LPCAT3: variants seen among roughly 807,000 people sequenced by gnomAD.
LPCAT3 encodes the protein lysophosphatidylcholine acyltransferase 3.
A neutral mutation model predicts 63.4 loss-of-function variants in LPCAT3; 21 were observed. That is an observed-to-expected ratio of 0.33 (90% CI 0.23 to 0.48). The LOEUF is 0.48. LPCAT3 is among the 20% of genes least tolerant of loss of function. The pLI, the probability that LPCAT3 is intolerant of heterozygous loss-of-function variation, is 0.99. For missense variants in LPCAT3, 451 were observed against 590.6 expected, an observed-to-expected ratio of 0.76 and a Z score of 2.45; for synonymous variants, 242 against 227.5, an observed-to-expected ratio of 1.06 and a Z score of -0.58.
chr12:6,986,752 G>C (rs1383611141), intron 1 of LPCAT3, among the ~76,000 whole-genome samples: 2 of 138,050 alleles, frequency 1.4e-5, no homozygotes, highest in Non-Finnish European at 3.0e-5. Flanking sequence ...TGAGCAGAGA[G>C]AGCCACTGCA....
Position 6,978,498 on chromosome 12 carries a change from A to G in LPCAT3, c.883T>C (p.Cys295Arg). ...TTGAAGCCCAGGCCCGTCAAAATGCATACTCCTTCCTGAGAGGGAATAGCT... is the reference window on the plus strand; with the variant it reads ...TTGAAGCCCAGGCCCGTCAAAATGCGTACTCCTTCCTGAGAGGGAATAGCT... ...VTCWLVTEGV[C>R]ILTGLGFNGF... The change falls in exon 9 of 13, where the codon TGC (cysteine) becomes CGC (arginine). Residue 295 changes from cysteine (C) to arginine (R), a missense_variant. Coordinates refer to ENST00000261407, the MANE Select transcript of LPCAT3 (RefSeq NM_005768.6). 1 of 1,613,104 alleles carries G rather than the reference A, an allele frequency of 6.2e-7. No individual in the cohort carries two copies. Among genetic ancestry groups the G allele is most frequent in the Non-Finnish European group, 8.5e-7 (1 of 1,179,194 alleles).
At chr12:6,982,611 T>G in intron 3 of LPCAT3, 65 bp downstream of exon 3, 2 of 1,234,416 alleles carry the variant, frequency 1.6e-6, no homozygotes, top group Non-Finnish European at 2.4e-6. Context: ...CACAGTCCCC[T>G]GCCTACCCCT....
intron 1 of LPCAT3, among the ~76,000 whole-genome samples, chr12:6,994,790 A>G (rs1946622969): frequency 6.6e-6 from 1 of 152,198 alleles, no homozygotes; most frequent in Non-Finnish European, 1.5e-5. Flanking sequence ...TACTTCTGGC[A>G]TGGGTTGGCT....
In LPCAT3 at chr12:6,979,545, G is replaced by C. The variant is rs1555153792; in HGVS notation, c.712C>G (p.Leu238Val). The C allele has an allele frequency of 1.9e-6, 3 of 1,614,108 alleles. No homozygotes were observed. The highest frequency in any genetic ancestry group is 1.7e-5 in the Admixed American group (1 of 60,008). ...AGTGTGTAGCCCACTAGGTAGAAAA[G>C]GCCCAGACTCAGGCGCTTGAGAGCA... The part of the protein sequence containing the change: ...IPALKRLSLG[L>V]FYLVGYTLLS... Residue 238 changes from leucine to valine, a missense_variant, in exon 7 of 13, where the codon CTT (leucine) becomes GTT (valine). Physicochemically the swap from Leu to Val is conservative, Grantham distance 32 (BLOSUM62 1). Coordinates refer to ENST00000261407, the MANE Select transcript of LPCAT3 (RefSeq NM_005768.6).
rs151098134 is a variant in LPCAT3, at chr12:7,018,016, G to C, written c.151+258C>G. On this transcript the variant is annotated intron_variant, in intron 1 of 12. Transcript: ENST00000261407. The surrounding 1 kb of genome is among the most constrained non-coding windows in gnomAD (Gnocchi z 4.9). ...CAAGGGTAGAGCCTGGCACAAGAGGGCGGGGGCCCGACTGAGAGGCCAGAG... is the reference window on the plus strand; with the variant it reads ...CAAGGGTAGAGCCTGGCACAAGAGGCCGGGGGCCCGACTGAGAGGCCAGAG... Among the ~76,000 whole-genome samples the C allele has an allele frequency of 6.6e-6, 1 of 152,222 alleles. No individual in the cohort carries two copies. The highest frequency in any genetic ancestry group is 1.5e-5 in the Non-Finnish European group (1 of 68,042).
chr12:6,986,397 A>G (rs1244902479), intron 1 of LPCAT3, among the ~76,000 whole-genome samples: 1 of 152,222 alleles, frequency 6.6e-6, no homozygotes, highest in East Asian at 1.9e-4. Flanking sequence ...TAAGAAATAC[A>G]TATATAACAC....
rs142196023 is a variant in LPCAT3, at chr12:6,989,677, G to C, written c.152-6138C>G. On this transcript the variant is annotated intron_variant, in intron 1 of 12. Transcript: ENST00000261407. ...CTTCAGGGGTTGTAGTCAAGCACAG[G>C]GAGTGGATAGAACTGTATTATTCAG... Among the ~76,000 whole-genome samples, 100 of 152,184 alleles carry C rather than the reference G, an allele frequency of 6.6e-4. 2 individuals are homozygous for C. The East Asian group carries it at 0.015, about 24-fold the overall frequency.
Position 7,017,142 on chromosome 12 carries a change from A to C in LPCAT3, c.151+1132T>G, listed in dbSNP as rs1647833932. The stretch of plus-strand genomic sequence containing the variant: ...CTTTATCTCAAACTTCTCATGGTTC[A>C]GACCTCTAACCCTCTGCTCTAGCCC... On this transcript the variant is annotated intron_variant, in intron 1 of 12. Coordinates refer to ENST00000261407, the MANE Select transcript of LPCAT3 (RefSeq NM_005768.6). This position sits in a 1 kb window ranked among gnomAD's most constrained non-coding sequence, Gnocchi z 4.1. Among the ~76,000 whole-genome samples the C allele has an allele frequency of 6.6e-6, 1 of 152,210 alleles. No individual in the cohort carries two copies. Among genetic ancestry groups the C allele is most frequent in the South Asian group, 2.1e-4 (1 of 4,838 alleles).
At position 6,990,268 on chromosome 12, in the gene LPCAT3, G is replaced by A. The variant is rs782707029; in HGVS notation, c.152-6729C>T. 5.9e-5 allele frequency among the ~76,000 whole-genome samples: 9 copies of A among 151,774 alleles called. No homozygotes were observed. The South Asian group carries it at 1.2e-3, about 21-fold the overall frequency. ...CTCATGCCTGTAATCCCAGCACTTCGGGAGGCTGAGGCGGGCGGATCACGA... is the reference window on the plus strand; with the variant it reads ...CTCATGCCTGTAATCCCAGCACTTCAGGAGGCTGAGGCGGGCGGATCACGA... On this transcript the variant is annotated intron_variant, in intron 1 of 12. Coordinates refer to ENST00000261407, the MANE Select transcript of LPCAT3 (RefSeq NM_005768.6).
At chr12:6,981,701 G>T in intron 4 of LPCAT3, 69 bp from the exon 5 acceptor site, 1 of 1,289,588 alleles carries the variant, frequency 7.8e-7, no homozygotes, top group Non-Finnish European at 1.1e-6. Context: ...TGTAGACTGA[G>T]TGCAGCCAGA....
At chr12:6,992,937 A>G (rs782175777) in intron 1 of LPCAT3, among the ~76,000 whole-genome samples, 1 of 152,344 alleles carries the variant, frequency 6.6e-6, no homozygotes, top group East Asian at 1.9e-4. Flanking sequence ...AATATAATGT[A>G]AATGCAATGC....
chr12:6,981,045 C>T lies in LPCAT3; in HGVS notation c.636G>A (p.Val212=), dbSNP rs782595214. The T allele has an allele frequency of 1.9e-6, 3 of 1,610,652 alleles. No homozygotes were observed. Among genetic ancestry groups the T allele is most frequent in the Non-Finnish European group, 2.5e-6 (3 of 1,178,766 alleles). Residue 212 remains valine, a synonymous_variant, in exon 6 of 13, where the codon GTG becomes GTA. Transcript: ENST00000261407. ...CTGGTATGTCAATCAGCTCTCCCTG[C>T]ACCAGCTTCATGTAGTGATTCATTG... ...QFSMNHYMKL[V]QGELIDIPGK...
chr12:7,018,196 G>C lies in LPCAT3; in HGVS notation c.151+78C>G. 4 of 1,519,794 alleles carry C rather than the reference G, an allele frequency of 2.6e-6. No individual in the cohort carries two copies. The highest frequency in any genetic ancestry group is 2.4e-5 in the South Asian group (2 of 83,336). The allele number at this position is 1,519,794 out of a possible 1,614,324, so 94.1% of individuals were successfully genotyped here. On this transcript the variant is annotated intron_variant, in intron 1 of 12. Transcript: ENST00000261407. The surrounding 1 kb of genome is among the most constrained non-coding windows in gnomAD (Gnocchi z 4.9). The stretch of plus-strand genomic sequence containing the variant: ...GCCCTCCCGGGTGGCTCCGGGAAGA[G>C]AGGGAGGTCCTGTCCCCATTCCTCC...
intron 1 of LPCAT3, among the ~76,000 whole-genome samples, chr12:6,992,322 C>T (rs1262057540): frequency 1.3e-5 from 2 of 150,406 alleles, no homozygotes; most frequent in African/African-American, 4.9e-5. Context: ...AAGACCCTGC[C>T]TCAAAAAAAA....
chr12:7,014,489 A>G (rs1431671139), intron 1 of LPCAT3, among the ~76,000 whole-genome samples: 1 of 152,126 alleles, frequency 6.6e-6, no homozygotes, highest in Non-Finnish European at 1.5e-5. Context: ...ACACCACACA[A>G]ACATAAACAC....
At chr12:7,005,520 T>C (rs1048573337) in intron 1 of LPCAT3, among the ~76,000 whole-genome samples, 2 of 152,238 alleles carry the variant, frequency 1.3e-5, no homozygotes, top group Non-Finnish European at 2.9e-5. Context: ...CAAACTATTT[T>C]CCACAAGTGG....
chr12:7,007,717 A>G (rs1555156956), intron 1 of LPCAT3, among the ~76,000 whole-genome samples: 1 of 151,840 alleles, frequency 6.6e-6, no homozygotes, highest in African/African-American at 2.4e-5. Flanking sequence ...CCAGTCTCAA[A>G]TTCCTGACCT....
chr12:7,014,295 C>T (rs1946783658), intron 1 of LPCAT3, among the ~76,000 whole-genome samples: 1 of 152,204 alleles, frequency 6.6e-6, no homozygotes, highest in Non-Finnish European at 1.5e-5. Context: ...GTTAAGAATA[C>T]TGCTTTACCT....
At chr12:7,015,424 T>C (rs782459046) in intron 1 of LPCAT3, among the ~76,000 whole-genome samples, 13 of 152,300 alleles carry the variant, frequency 8.5e-5, no homozygotes, top group African/African-American at 2.9e-4. Context: ...AACCAGGAAC[T>C]CCACTGCTGA....
Sources: gnomAD v4.1 joint callset for allele counts (sites outside exome capture counted in the v4.1 genomes callset) on GRCh38, gnomAD v4.1.1 for gene constraint, Gnocchi (gnomAD v3.1) non-coding constraint, MANE v1.5 for transcripts, NCBI Gene and HGNC (gene_info 2026-07-23, HGNC 2026-07-21) for gene names.